The following ACTR3C variants were observed in gnomAD, a reference collection of about 807,000 sequenced individuals.
ACTR3C encodes actin-related protein 3C.
ACTR3C carries 18 observed loss-of-function variants against 26.3 expected under a neutral mutation model. The observed-to-expected ratio is 0.68, with a 90% CI of 0.47 to 1.01. The LOEUF is 1.01. Ranked by LOEUF, ACTR3C falls within the 50% of genes least tolerant of loss-of-function variation. ACTR3C has a pLI of 0.00. For missense variants in ACTR3C, 184 were observed against 250.7 expected (o/e 0.73, Z 1.80); for synonymous variants, 55 against 94.5 (o/e 0.58, Z 2.42).
At chr7:150,184,569 A>AT in the ACTR3C span, among the ~76,000 whole-genome samples, 1 of 150,016 alleles carries the variant, frequency 6.7e-6, no homozygotes, top group Non-Finnish European at 1.5e-5. Context: ...AAACAGCTCC[A>AT]TTTTTATACC....
At chr7:150,047,758 G>A in the ACTR3C span, 11 of 1,500,046 alleles carry the variant, frequency 7.3e-6, 1 homozygote, top group East Asian at 2.4e-4. Flanking sequence ...TCCTCCTCGG[G>A]CCCCTGGCCG....
chr7:149,885,755 G>A, the ACTR3C span, among the ~76,000 whole-genome samples: 1 of 152,274 alleles, frequency 6.6e-6, no homozygotes, highest in Non-Finnish European at 1.5e-5. Flanking sequence ...AATTCCTGCG[G>A]ATTCTGCAGC....
the ACTR3C span, among the ~76,000 whole-genome samples, chr7:150,127,494 C>T: frequency 0.13 from 18,907 of 146,704 alleles, 1,341 homozygotes; most frequent in Non-Finnish European, 0.15. Flanking sequence ...CAGCTCTGAG[C>T]GTCTCATGCC....
chr7:150,143,221 G>A, the ACTR3C span, among the ~76,000 whole-genome samples: 1 of 152,074 alleles, frequency 6.6e-6, no homozygotes, highest in East Asian at 1.9e-4. Context: ...CTGTGGACAC[G>A]TGAGTTTCTC....
chr7:149,911,342 T>TA, the ACTR3C span, among the ~76,000 whole-genome samples: 2 of 151,038 alleles, frequency 1.3e-5, no homozygotes, highest in African/African-American at 4.9e-5. Flanking sequence ...TGATGCACCT[T>TA]ATGCTTAAAT....
At chr7:150,016,375 G>A in the ACTR3C span, among the ~76,000 whole-genome samples, 1 of 152,078 alleles carries the variant, frequency 6.6e-6, no homozygotes, top group African/African-American at 2.4e-5. Context: ...CATAAAGAGA[G>A]CAGAAGGTAA....
the ACTR3C span, among the ~76,000 whole-genome samples, chr7:150,078,552 T>C: frequency 6.6e-6 from 1 of 150,700 alleles, no homozygotes; most frequent in African/African-American, 2.4e-5. Context: ...TTGGTAAGAA[T>C]GTTGGTTGGC....
the ACTR3C span, among the ~76,000 whole-genome samples, chr7:150,227,688 GTTTT>G: frequency 9.0e-6 from 1 of 111,388 alleles, no homozygotes; most frequent in Non-Finnish European, 1.8e-5. Context: ...TTGTGTCTGG[GTTTT>G]TTTTTTTTGT....
chr7:150,222,315 G>A, the ACTR3C span, among the ~76,000 whole-genome samples: 1 of 152,092 alleles, frequency 6.6e-6, no homozygotes, highest in Non-Finnish European at 1.5e-5. Context: ...CACATCCTTG[G>A]GCAAATTATT....
At chr7:150,185,274 G>GGTGTGTGTGTGTGTGTGT in the ACTR3C span, among the ~76,000 whole-genome samples, 8 of 124,272 alleles carry the variant, frequency 6.4e-5, no homozygotes, top group African/African-American at 1.8e-4. Flanking sequence ...TTAAATGTCA[G>GGTGTGTGTGTGTGTGTGT]GCGTGTGTGT....
chr7:150,150,400 G>A, the ACTR3C span, among the ~76,000 whole-genome samples: 5 of 152,206 alleles, frequency 3.3e-5, no homozygotes, highest in Non-Finnish European at 7.3e-5. Flanking sequence ...GAGACAGGGA[G>A]AGAGGCTTGG....
the ACTR3C span, chr7:150,044,932 T>G: frequency 6.6e-6 from 1 of 152,198 alleles, no homozygotes; most frequent in Non-Finnish European, 1.5e-5. Context: ...TGATGGAGAT[T>G]TCTCCTGCGC....
rs1165246466 is a variant in ACTR3C at position 150,289,574 on chromosome 7, C to A, written c.173G>T (p.Gly58Val). 1 of 1,584,280 alleles carries A rather than the reference C, an allele frequency of 6.3e-7. No homozygotes were observed. The highest frequency in any genetic ancestry group is 1.4e-5 in the African/African-American group (1 of 73,434). The part of the protein sequence containing the change: ...VIPVAEGYVI[G>V]SCIKHIPIAG... ...AATCGGGATGTGTTTGATGCAGCTT[C>A]CAATTACATAACCTTCTGCCTAGGG... The change falls in exon 4 of 8, where the codon GGA (glycine) becomes GTA (valine). Residue 58 changes from glycine to valine, a missense_variant. Transcript: ENST00000683684.
the ACTR3C span, among the ~76,000 whole-genome samples, chr7:150,207,784 A>T: frequency 1.9e-3 from 288 of 152,206 alleles, 1 homozygote; most frequent in African/African-American, 6.2e-3. Context: ...GACCTCAAAT[A>T]ATTCATGTCA....
At chr7:150,138,792 C>T in the ACTR3C span, among the ~76,000 whole-genome samples, 4 of 152,304 alleles carry the variant, frequency 2.6e-5, no homozygotes, top group African/African-American at 9.6e-5. Context: ...GTACTTACAG[C>T]CGCTCCCCAT....
the ACTR3C span, among the ~76,000 whole-genome samples, chr7:150,042,110 C>G: frequency 0.058 from 3,614 of 62,114 alleles, 5 homozygotes; most frequent in Middle Eastern, 0.1. Context: ...GGGTGCCTCC[C>G]CCCTCTGCGA....
intron 1 of ACTR3C, among the ~76,000 whole-genome samples, chr7:150,308,598 A>C (rs1476096556): frequency 6.6e-6 from 1 of 151,746 alleles, no homozygotes; most frequent in Non-Finnish European, 1.5e-5. Context: ...CCCCAACCTC[A>C]GAGTCTTCTG....
chr7:149,885,173 G>A, the ACTR3C span, among the ~76,000 whole-genome samples: 1 of 152,100 alleles, frequency 6.6e-6, no homozygotes, highest in Admixed American at 6.5e-5. Context: ...ATGTTCCCTA[G>A]GGAAACACCC....
chr7:150,265,060 A>G (rs1276147296), intron 6 of ACTR3C, among the ~76,000 whole-genome samples: 1 of 152,166 alleles, frequency 6.6e-6, no homozygotes, highest in Non-Finnish European at 1.5e-5. Flanking sequence ...CCAAAAAGAT[A>G]GTGAGAGATA....
Sources: gnomAD v4.1 joint callset for allele counts (sites outside exome capture counted in the v4.1 genomes callset) on GRCh38, gnomAD v4.1.1 for gene constraint, MANE v1.5 for transcripts, NCBI Gene and HGNC (gene_info 2026-07-23, HGNC 2026-07-21) for gene names.